TMEM117: variants seen among roughly 807,000 people sequenced by gnomAD.
The protein encoded by TMEM117 is transmembrane protein 117.
TMEM117 carries 27 observed loss-of-function variants against 52.4 expected under a neutral mutation model. The observed-to-expected ratio is 0.51, with a 90% CI of 0.38 to 0.71. The LOEUF (loss-of-function observed/expected upper bound fraction) is 0.71, where lower values mean the gene tolerates loss of function less well. TMEM117 is among the 30% of genes least tolerant of loss of function. The pLI is 0.00. For synonymous variants in TMEM117, 215 were observed against 206.3 expected (o/e 1.04, Z -0.36); for missense variants, 556 against 630.5 (o/e 0.88, Z 1.26).
At chr12:44,190,962 T>TTA (rs533840495) in intron 4 of TMEM117, among the ~76,000 whole-genome samples, 8,513 of 147,344 alleles carry the variant, frequency 0.058, 312 homozygotes, top group Middle Eastern at 0.089. Context: ...CTAATATATA[T>TTA]TATATATATA....
At chr12:44,136,595 T>C (rs1404757055) in intron 3 of TMEM117, among the ~76,000 whole-genome samples, 1 of 152,154 alleles carries the variant, frequency 6.6e-6, no homozygotes, top group African/African-American at 2.4e-5. Context: ...AAAATAAATG[T>C]GTTTTACTGT....
At chr12:44,306,847 A>C (rs1444315045) in intron 6 of TMEM117, among the ~76,000 whole-genome samples, 2 of 152,254 alleles carry the variant, frequency 1.3e-5, no homozygotes, top group African/African-American at 4.8e-5. Context: ...ATCTTACAGT[A>C]ATTAACTATC....
the TMEM117 span, among the ~76,000 whole-genome samples, chr12:43,825,402 G>A: frequency 6.4e-4 from 98 of 152,218 alleles, no homozygotes; most frequent in African/African-American, 2.2e-3. Context: ...TTAAAAGGTG[G>A]TATGAAGTGA....
At chr12:44,370,721 T>C (rs1192957768) in intron 6 of TMEM117, among the ~76,000 whole-genome samples, 1 of 152,088 alleles carries the variant, frequency 6.6e-6, no homozygotes, top group Non-Finnish European at 1.5e-5. Context: ...TTCTGTCACA[T>C]TGGCCAGGGT....
chr12:44,236,786 C>T (rs924925167), intron 5 of TMEM117, among the ~76,000 whole-genome samples: 6 of 151,894 alleles, frequency 4.0e-5, no homozygotes, highest in Non-Finnish European at 5.9e-5. Context: ...TACAGATTTT[C>T]GTCAATACAA....
intron 6 of TMEM117, among the ~76,000 whole-genome samples, chr12:44,337,588 T>A (rs577595873): frequency 6.6e-6 from 1 of 152,028 alleles, no homozygotes; most frequent in South Asian, 2.1e-4. Context: ...ATCTTTCCAA[T>A]AGACTGACAA....
At chr12:44,129,843 T>G (rs969921853) in intron 3 of TMEM117, among the ~76,000 whole-genome samples, 1 of 152,328 alleles carries the variant, frequency 6.6e-6, no homozygotes, top group Admixed American at 6.5e-5. Flanking sequence ...TCACATACTT[T>G]AAAATATAGG....
intron 5 of TMEM117, among the ~76,000 whole-genome samples, chr12:44,244,243 A>C (rs370261698): frequency 6.6e-6 from 1 of 152,014 alleles, no homozygotes; most frequent in Non-Finnish European, 1.5e-5. Flanking sequence ...TCCCACCAAC[A>C]GTGTCCAAGG....
At chr12:44,339,676 G>A (rs568869980) in intron 6 of TMEM117, among the ~76,000 whole-genome samples, 53 of 151,968 alleles carry the variant, frequency 3.5e-4, no homozygotes, top group African/African-American at 1.2e-3. Flanking sequence ...AGATACAATA[G>A]CTGGCATAAA....
intron 2 of TMEM117, among the ~76,000 whole-genome samples, chr12:43,895,536 C>G (rs1490531256): frequency 1.3e-5 from 2 of 152,084 alleles, no homozygotes; most frequent in Non-Finnish European, 2.9e-5. Context: ...ATTTACTGGG[C>G]AAAGTTCTGT....
chr12:44,217,330 A>G (rs1949731450), intron 5 of TMEM117, among the ~76,000 whole-genome samples: 1 of 152,128 alleles, frequency 6.6e-6, no homozygotes, highest in African/African-American at 2.4e-5. Context: ...GGTTCATCTG[A>G]GACAAGTTGA....
At chr12:44,187,535 A>G (rs1592591451) in intron 4 of TMEM117, among the ~76,000 whole-genome samples, 1 of 152,130 alleles carries the variant, frequency 6.6e-6, no homozygotes, top group East Asian at 1.9e-4. Flanking sequence ...CATTAATACT[A>G]TGTGCTAAGG....
chr12:44,326,973 G>A lies in TMEM117; in HGVS notation c.768+27234G>A, dbSNP rs556216479. Among the ~76,000 whole-genome samples, 23 of 152,278 alleles carry A rather than the reference G, an allele frequency of 1.5e-4. 1 individual carries two copies. The South Asian group carries it at 4.6e-3, about 30-fold the overall frequency. ...GGCCTTGGAAGTCAGTTTCTCAACA[G>A]CCTCTCTGCAGAATGTCACCAATTT... is the stretch of plus-strand genomic sequence containing the variant. On this transcript the variant is annotated intron_variant, in intron 6 of 7. Transcript: ENST00000266534.
At chr12:44,197,874 C>T (rs1210592991) in intron 4 of TMEM117, among the ~76,000 whole-genome samples, 2 of 152,106 alleles carry the variant, frequency 1.3e-5, no homozygotes, top group Non-Finnish European at 1.5e-5. Flanking sequence ...GGCAGGCTAT[C>T]ATTGAGATAA....
chr12:44,006,090 G>A (rs988560976), intron 3 of TMEM117, among the ~76,000 whole-genome samples: 11 of 152,132 alleles, frequency 7.2e-5, no homozygotes, highest in Non-Finnish European at 1.5e-4. Context: ...ATAAAGATGG[G>A]CCTCCCTTTA....
In TMEM117 at chr12:44,269,041, C is replaced by T. The variant is rs558048290; in HGVS notation, c.609-30539C>T. On this transcript the variant is annotated intron_variant, in intron 5 of 7. Transcript: ENST00000266534. ...TCTAAATAAATACATACTTTTATCT[C>T]TTGCTTTTTTTCACTCAACATTACA... Among the ~76,000 whole-genome samples the T allele has an allele frequency of 2.6e-5, 4 of 152,204 alleles. No homozygotes were observed. The East Asian group carries it at 7.7e-4, about 29-fold the overall frequency.
chr12:44,200,446 T>C (rs944807719), intron 4 of TMEM117, among the ~76,000 whole-genome samples: 2 of 152,190 alleles, frequency 1.3e-5, no homozygotes, highest in African/African-American at 4.8e-5. Flanking sequence ...GTTATTTAGG[T>C]CATCTGATGG....
the TMEM117 span, among the ~76,000 whole-genome samples, chr12:43,820,146 G>A: frequency 6.6e-6 from 1 of 151,038 alleles, no homozygotes; most frequent in Non-Finnish European, 1.5e-5. Flanking sequence ...TTTGCCAAGT[G>A]GAGTGCTGTG....
intron 6 of TMEM117, among the ~76,000 whole-genome samples, chr12:44,315,225 A>G (rs373039707): frequency 1.3e-5 from 2 of 152,020 alleles, no homozygotes; most frequent in East Asian, 3.9e-4. Context: ...GATGCTTTGT[A>G]TGGATTTTGG....
Sources: gnomAD v4.1 joint callset for allele counts (sites outside exome capture counted in the v4.1 genomes callset) on GRCh38, gnomAD v4.1.1 for gene constraint, MANE v1.5 for transcripts, NCBI Gene and HGNC (gene_info 2026-07-23, HGNC 2026-07-21) for gene names.